ASXL2: variants seen among roughly 807,000 people sequenced by gnomAD.
ASXL2 encodes the protein ASXL transcriptional regulator 2, also known as putative Polycomb group protein ASXL2.
ASXL2 carries 23 observed loss-of-function variants against 122.0 expected under a neutral mutation model. That is an observed-to-expected ratio of 0.19 (90% CI 0.14 to 0.27). The LOEUF is 0.27. Among genes scored for constraint, ASXL2 ranks in the 10% least tolerant of loss-of-function variants. The pLI is 1.00. For missense variants in ASXL2, 1,518 were observed against 1,713.8 expected (o/e 0.89, Z 2.02); for synonymous variants, 650 against 637.0 (o/e 1.02, Z -0.31).
intron 5 of ASXL2, among the ~76,000 whole-genome samples, chr2:25,779,535 G>A (rs2088599906): frequency 6.6e-6 from 1 of 152,088 alleles, no homozygotes; most frequent in Non-Finnish European, 1.5e-5. Context: ...TAAGACTACT[G>A]AATGCAGTTT....
chr2:25,862,475 C>G lies in ASXL2; in HGVS notation c.57+15691G>C, dbSNP rs115950542. Among the ~76,000 whole-genome samples the G allele has an allele frequency of 5.2e-3, 793 of 152,220 alleles. 5 individuals are homozygous for G. The highest frequency in any genetic ancestry group is 0.018 in the African/African-American group (742 of 41,526). ...ACGGCCAAGATCTAAATATCCAGTT[C>G]CACAAGAAGGGGAAAAATTAGTCAA... On this transcript the variant is annotated intron_variant, in intron 1 of 12. Transcript: ENST00000435504.
At chr2:25,845,087 T>C (rs1232014215) in intron 2 of ASXL2, among the ~76,000 whole-genome samples, 1 of 152,218 alleles carries the variant, frequency 6.6e-6, no homozygotes, top group Non-Finnish European at 1.5e-5. Context: ...TTATCCTTTT[T>C]AGCCAGCATT....
intron 3 of ASXL2, among the ~76,000 whole-genome samples, chr2:25,807,348 G>A (rs1370859260): frequency 1.3e-5 from 2 of 152,184 alleles, no homozygotes; most frequent in African/African-American, 2.4e-5. Context: ...GCTGGGACAT[G>A]AGTCCACTGT....
intron 2 of ASXL2, among the ~76,000 whole-genome samples, chr2:25,839,354 C>G (rs1324428978): frequency 6.6e-6 from 1 of 152,168 alleles, no homozygotes; most frequent in East Asian, 1.9e-4. Context: ...ATTAACTCTT[C>G]TCTACTTACA....
At chr2:25,874,951 C>T (rs973719700) in intron 1 of ASXL2, among the ~76,000 whole-genome samples, 4 of 151,724 alleles carry the variant, frequency 2.6e-5, no homozygotes, top group East Asian at 1.9e-4. Context: ...GGAATGGTGG[C>T]GCACACCTGC....
Position 25,814,919 on chromosome 2 carries a change from T to C in ASXL2, c.144-8582A>G, listed in dbSNP as rs555839955. ...CAAGTCACTTTAAACACCCTTAATT[T>C]ACTCATCTGCAAAATAGAGGTAATA... is the stretch of plus-strand genomic sequence containing the variant. On this transcript the variant is annotated intron_variant, in intron 3 of 12. Coordinates refer to ENST00000435504, the MANE Select transcript of ASXL2 (RefSeq NM_018263.6). Among the ~76,000 whole-genome samples, 49 of 152,350 alleles carry C rather than the reference T, an allele frequency of 3.2e-4. No individual in the cohort carries two copies. The South Asian group carries it at 0.01, about 32-fold the overall frequency.
chr2:25,859,758 T>C (rs1224313942), intron 1 of ASXL2, among the ~76,000 whole-genome samples: 2 of 152,174 alleles, frequency 1.3e-5, no homozygotes, highest in Non-Finnish European at 2.9e-5. Context: ...AAACAAATCA[T>C]ACATGTCTGT....
At chr2:25,824,047 T>G (rs978390514) in intron 3 of ASXL2, among the ~76,000 whole-genome samples, 1 of 146,194 alleles carries the variant, frequency 6.8e-6, no homozygotes, top group Non-Finnish European at 1.5e-5. Flanking sequence ...GAAAAGAAAG[T>G]GTTGTGATTT....
intron 12 of ASXL2, among the ~76,000 whole-genome samples, chr2:25,746,506 G>GA (rs11312322): frequency 4.2e-4 from 57 of 136,106 alleles, no homozygotes; most frequent in East Asian, 1.6e-3. Context: ...GGGAAAAAAT[G>GA]AAAAAAAAAA....
chr2:25,841,713 C>T (rs1311083277), intron 2 of ASXL2, among the ~76,000 whole-genome samples: 3 of 151,740 alleles, frequency 2.0e-5, no homozygotes, highest in African/African-American at 4.8e-5. Context: ...TTTGGGAGAC[C>T]GAGGAGGGTG....
intron 2 of ASXL2, among the ~76,000 whole-genome samples, chr2:25,841,761 C>T (rs1270144987): frequency 6.6e-6 from 1 of 152,094 alleles, no homozygotes; most frequent in East Asian, 1.9e-4. Context: ...TCCTGGCTAA[C>T]ACAGTGAAAC....
intron 1 of ASXL2, among the ~76,000 whole-genome samples, chr2:25,877,961 C>T (rs2090023728): frequency 6.6e-6 from 1 of 152,204 alleles, no homozygotes; most frequent in South Asian, 2.1e-4. Flanking sequence ...CGCCGAGGGA[C>T]GCCACGGCCC....
chr2:25,780,589 A>G (rs2088617648), intron 5 of ASXL2, among the ~76,000 whole-genome samples: 1 of 152,168 alleles, frequency 6.6e-6, no homozygotes, highest in Non-Finnish European at 1.5e-5. Flanking sequence ...AGGCCCAGGA[A>G]TCTGCACCAT....
At chr2:25,781,883 T>C (rs2088644917) in intron 5 of ASXL2, among the ~76,000 whole-genome samples, 1 of 151,282 alleles carries the variant, frequency 6.6e-6, no homozygotes, top group Admixed American at 6.6e-5. Context: ...AGGCTGTTCT[T>C]GAACTCCTGA....
chr2:25,875,079 CA>C (rs1198780190), intron 1 of ASXL2, among the ~76,000 whole-genome samples: 2 of 151,640 alleles, frequency 1.3e-5, no homozygotes, highest in Non-Finnish European at 1.5e-5. Flanking sequence ...GATCCTGTCT[CA>C]AAAAAAGAAA....
chr2:25,753,693 T>A, intron 10 of ASXL2, 54 bp from the exon 11 acceptor site: 3 of 1,295,572 alleles, frequency 2.3e-6, no homozygotes, highest in Non-Finnish European at 3.3e-6. Context: ...TTGCAACATG[T>A]AACTATTTAT....
At chr2:25,760,839 T>A (rs1184864012) in intron 8 of ASXL2, among the ~76,000 whole-genome samples, 1 of 152,204 alleles carries the variant, frequency 6.6e-6, no homozygotes, top group Non-Finnish European at 1.5e-5. Context: ...AGCTATCAGA[T>A]ATACAGAATA....
At chr2:25,860,189 T>C (rs1574452606) in intron 1 of ASXL2, among the ~76,000 whole-genome samples, 1 of 152,020 alleles carries the variant, frequency 6.6e-6, no homozygotes, top group South Asian at 2.1e-4. Flanking sequence ...CGCATGCCTG[T>C]AATCCCAGCT....
chr2:25,863,329 CAA>C (rs113911503), intron 1 of ASXL2, among the ~76,000 whole-genome samples: 12 of 124,150 alleles, frequency 9.7e-5, no homozygotes, highest in Non-Finnish European at 1.0e-4. Context: ...ACTCCATCTC[CAA>C]AAAAAAAAAA....
Sources: gnomAD v4.1 joint callset for allele counts (sites outside exome capture counted in the v4.1 genomes callset) on GRCh38, gnomAD v4.1.1 for gene constraint, MANE v1.5 for transcripts, NCBI Gene and HGNC (gene_info 2026-07-23, HGNC 2026-07-21) for gene names.